The following EYS variants were observed in gnomAD, a reference collection of about 807,000 sequenced individuals.
EYS encodes the protein EGF-like photoreceptor maintenance factor, also known as protein eyes shut homolog.
Under a neutral mutation model 282.1 loss-of-function variants are expected in EYS, and 250 were observed. The observed-to-expected ratio is 0.89, with a 90% confidence interval of 0.80 to 0.98. The LOEUF (loss-of-function observed/expected upper bound fraction) is 0.98. EYS is among the 50% of genes least tolerant of loss of function. EYS has a pLI of 0.00. For missense variants in EYS, 4,016 were observed against 3,709.0 expected, an observed-to-expected ratio of 1.08 and a Z score of -2.15; for synonymous variants, 1,355 against 1,282.9, an observed-to-expected ratio of 1.06 and a Z score of -1.20.
intron 31 of EYS, among the ~76,000 whole-genome samples, chr6:64,173,869 A>G (rs530739261): frequency 1.3e-5 from 2 of 152,264 alleles, no homozygotes; most frequent in South Asian, 4.1e-4. Context: ...AAGTATCTGC[A>G]CTCCAATGTT....
intron 31 of EYS, among the ~76,000 whole-genome samples, chr6:64,143,884 G>A (rs925744758): frequency 7.2e-5 from 11 of 152,170 alleles, no homozygotes; most frequent in African/African-American, 2.7e-4. Flanking sequence ...GAAGATTTCT[G>A]TGTCATCTTT....
chr6:64,208,590 T>C (rs1361375425), intron 31 of EYS, among the ~76,000 whole-genome samples: 1 of 152,138 alleles, frequency 6.6e-6, no homozygotes, highest in East Asian at 1.9e-4. Context: ...AGGTAAATTT[T>C]AAGGCCAAAA....
At chr6:65,259,265 C>G (rs1044475540) in intron 12 of EYS, among the ~76,000 whole-genome samples, 10 of 151,988 alleles carry the variant, frequency 6.6e-5, no homozygotes, top group African/African-American at 2.2e-4. Context: ...CTTCTTCCCT[C>G]CTGGTGGTAA....
chr6:64,183,160 A>T (rs1341434771), intron 31 of EYS, among the ~76,000 whole-genome samples: 1 of 152,112 alleles, frequency 6.6e-6, no homozygotes, highest in African/African-American at 2.4e-5. Flanking sequence ...CCACGATGTG[A>T]AGAAGGACAT....
At chr6:65,331,386 T>C (rs768172736) in intron 11 of EYS, 17 of 779,636 alleles carry the variant, frequency 2.2e-5, no homozygotes, top group Admixed American at 6.3e-5. Context: ...TTTTTTTAAT[T>C]CTAAACATTT....
At chr6:63,731,908 G>A (rs1768792529) in intron 41 of EYS, among the ~76,000 whole-genome samples, 2 of 152,108 alleles carry the variant, frequency 1.3e-5, no homozygotes, top group African/African-American at 4.8e-5. Context: ...ATAAGGCTAG[G>A]TTTTGTGGTA....
In EYS at chr6:63,788,046, T is replaced by C. The variant is rs1333779035; in HGVS notation, c.7723+59A>G. On this transcript the variant is annotated intron_variant, in intron 39 of 42. Coordinates refer to ENST00000503581, the MANE Select transcript of EYS (RefSeq NM_001142800.2). ...AAATAGAAGTATACTCTTTAAAATATTTTTTTCCCTCAACATTTGAAATAA... is the reference window on the plus strand; with the variant it reads ...AAATAGAAGTATACTCTTTAAAATACTTTTTTCCCTCAACATTTGAAATAA... 2.3e-6 allele frequency: 3 copies of C among 1,305,282 alleles called. No homozygotes were observed. In the African/African-American group the frequency reaches 4.6e-5, roughly 20 times the overall value. The allele number at this position is 1,305,282 out of a possible 1,614,324, so 80.9% of individuals were successfully genotyped here. A position where few individuals can be genotyped will look rare whatever the true frequency, so the allele number is the denominator to read the frequency against.
At chr6:64,445,811 G>A (rs1775100211) in intron 26 of EYS, among the ~76,000 whole-genome samples, 1 of 152,110 alleles carries the variant, frequency 6.6e-6, no homozygotes, top group South Asian at 2.1e-4. Context: ...TAACTGGCTA[G>A]AACTGGGTGA....
At chr6:64,089,757 T>C (rs1016909500) in intron 31 of EYS, among the ~76,000 whole-genome samples, 1 of 152,036 alleles carries the variant, frequency 6.6e-6, no homozygotes, top group African/African-American at 2.4e-5. Flanking sequence ...CAGCTGTTAT[T>C]TTTGCTACAT....
intron 36 of EYS, among the ~76,000 whole-genome samples, chr6:63,850,282 A>G (rs1398252737): frequency 6.6e-6 from 1 of 152,244 alleles, no homozygotes; most frequent in African/African-American, 2.4e-5. Flanking sequence ...AACTTCCCCA[A>G]TCTAGCAAGA....
At chr6:65,018,475 AT>A in intron 13 of EYS, among the ~76,000 whole-genome samples, 1 of 152,154 alleles carries the variant, frequency 6.6e-6, no homozygotes, top group Non-Finnish European at 1.5e-5. Flanking sequence ...GTTATATTGG[AT>A]TAAGGGCCCA....
intron 35 of EYS, among the ~76,000 whole-genome samples, chr6:63,951,048 G>A (rs931767785): frequency 2.6e-5 from 4 of 151,956 alleles, no homozygotes; most frequent in Non-Finnish European, 5.9e-5. Flanking sequence ...TTAGTGTCAA[G>A]CACCACTTTC....
At chr6:64,283,139 T>C (rs1371647571) in intron 30 of EYS, among the ~76,000 whole-genome samples, 4 of 152,204 alleles carry the variant, frequency 2.6e-5, no homozygotes, top group Non-Finnish European at 4.4e-5. Context: ...TTCACGTGAA[T>C]ACTTTTATGT....
chr6:64,453,937 A>C (rs930014690), intron 26 of EYS, among the ~76,000 whole-genome samples: 5 of 152,064 alleles, frequency 3.3e-5, no homozygotes, highest in Non-Finnish European at 7.4e-5. Flanking sequence ...CAGCACACCA[A>C]CTTGGCACAT....
intron 16 of EYS, among the ~76,000 whole-genome samples, chr6:64,906,098 A>T (rs918558670): frequency 1.3e-4 from 20 of 151,372 alleles, no homozygotes; most frequent in Admixed American, 2.0e-4. Context: ...CAGATTTTTT[A>T]AAAAAATATT....
At chr6:64,051,743 G>A (rs562733074) in intron 33 of EYS, among the ~76,000 whole-genome samples, 2 of 152,092 alleles carry the variant, frequency 1.3e-5, no homozygotes, top group Non-Finnish European at 2.9e-5. Context: ...ATTTGATTTG[G>A]ATTTCTTGAT....
intron 2 of EYS, among the ~76,000 whole-genome samples, chr6:65,556,399 G>C (rs947879943): frequency 1.3e-5 from 2 of 151,926 alleles, no homozygotes; most frequent in Non-Finnish European, 1.5e-5. Flanking sequence ...GTGTGTGTGT[G>C]TGTGTGTGTG....
chr6:64,958,307 G>A (rs1769782637), intron 14 of EYS, among the ~76,000 whole-genome samples: 1 of 152,034 alleles, frequency 6.6e-6, no homozygotes, highest in South Asian at 2.1e-4. Context: ...GCCTGAGTCC[G>A]GGAGGCAGCG....
At chr6:65,698,311 T>C (rs2636123) in intron 1 of EYS, among the ~76,000 whole-genome samples, 77,357 of 151,922 alleles carry the variant, frequency 0.51, 21,300 homozygotes, top group Non-Finnish European at 0.61. Context: ...GGAGAGTTAA[T>C]GAAGTTTTTG....
Sources: allele counts gnomAD v4.1 joint callset (sites outside exome capture counted in the v4.1 genomes callset), GRCh38; gene constraint gnomAD v4.1.1; transcripts MANE v1.5; gene names NCBI Gene and HGNC (gene_info 2026-07-23, HGNC 2026-07-21).